HEATR5B: variants seen among roughly 807,000 people sequenced by gnomAD.
HEATR5B encodes the protein HEAT repeat-containing protein 5B.
A neutral mutation model predicts 224.1 loss-of-function variants in HEATR5B; 156 were observed. The ratio of observed to expected loss-of-function variants is 0.70; its 90% confidence interval spans 0.61 to 0.80. HEATR5B has a LOEUF of 0.80. Among genes scored for constraint, HEATR5B ranks in the 30% least tolerant of loss-of-function variants. HEATR5B has a pLI of 0.00. For synonymous variants in HEATR5B, 1,027 were observed against 893.0 expected (o/e 1.15, Z -2.68); for missense variants, 2,323 against 2,535.5 (o/e 0.92, Z 1.80).
At chr2:37,081,454 G>C (rs1456692431) in intron 2 of HEATR5B, among the ~76,000 whole-genome samples, 3 of 152,150 alleles carry the variant, frequency 2.0e-5, no homozygotes, top group African/African-American at 7.2e-5. Flanking sequence ...GAAAACAGGA[G>C]AAAGAATCAA....
intron 32 of HEATR5B, 70 bp from the exon 33 acceptor site, chr2:37,000,883 G>GA: frequency 9.5e-7 from 1 of 1,055,360 alleles, no homozygotes; most frequent in Non-Finnish European, 1.4e-6. Context: ...TTCATTGCTT[G>GA]TATTTTTTGC....
chr2:36,992,739 ATTT>A (rs942544837), intron 33 of HEATR5B, among the ~76,000 whole-genome samples: 2 of 151,474 alleles, frequency 1.3e-5, no homozygotes, highest in African/African-American at 4.9e-5. Context: ...TTTAAAAATT[ATTT>A]TTTTTTCTTT....
intron 30 of HEATR5B, among the ~76,000 whole-genome samples, chr2:37,004,827 G>A (rs946261464): frequency 1.3e-5 from 2 of 151,486 alleles, no homozygotes; most frequent in African/African-American, 4.9e-5. Flanking sequence ...TCCAATCTTG[G>A]TCCTCTTTCT....
chr2:37,040,810 GAGA>G (rs1214035859), intron 19 of HEATR5B, among the ~76,000 whole-genome samples: 3 of 151,856 alleles, frequency 2.0e-5, no homozygotes, highest in East Asian at 3.9e-4. Context: ...CAGGAAGAGA[GAGA>G]AGGATGGTTA....
At chr2:37,078,376 G>C (rs1672361323) in intron 3 of HEATR5B, among the ~76,000 whole-genome samples, 1 of 152,170 alleles carries the variant, frequency 6.6e-6, no homozygotes, top group South Asian at 2.1e-4. Flanking sequence ...ATACATTAGA[G>C]ATTTCCTAAA....
Position 37,007,288 on chromosome 2 carries a change from G to T in HEATR5B, c.4539C>A (p.Thr1513=). The stretch of plus-strand genomic sequence containing the variant: ...GTCTAGCTGTATCAATAGTTTCAGG[G>T]GTATAAAATGCTCCACCTGTAAAGC... ...QLPPDGGAFY[T]PETIDTARLH... The change falls in exon 29 of 36, where the codon ACC becomes ACA. Residue 1513 remains threonine, a synonymous_variant. Coordinates refer to ENST00000233099, the MANE Select transcript of HEATR5B (RefSeq NM_019024.3). 2 of 1,612,974 alleles carry T rather than the reference G, an allele frequency of 1.2e-6. No individual in the cohort carries two copies. The highest frequency in any genetic ancestry group is 3.3e-5 in the Admixed American group (2 of 59,874).
chr2:36,981,124 A>G lies in HEATR5B; in HGVS notation c.*366T>C. On this transcript the variant is annotated 3_prime_UTR_variant, in exon 36 of 36. Coordinates refer to ENST00000233099, the MANE Select transcript of HEATR5B (RefSeq NM_019024.3). ...GCTTGTTTTTCAATTGATTTTTTTC[A>G]TGACAGATGCTGAGTTCTGACCCAT... 6.0e-6 allele frequency: 1 copy of G among 166,474 alleles called. No homozygotes were observed. 10.3% of individuals were successfully genotyped at this position (166,474 alleles called of 1,614,324 possible).
At chr2:37,012,097 T>C (rs1667822755) in intron 27 of HEATR5B, among the ~76,000 whole-genome samples, 2 of 152,154 alleles carry the variant, frequency 1.3e-5, no homozygotes, top group African/African-American at 4.8e-5. Context: ...ATAAGCAAAA[T>C]GAAGAAAATT....
chr2:36,981,907 A>C, intron 35 of HEATR5B, 113 bp from the exon 36 acceptor site: 1 of 693,410 alleles, frequency 1.4e-6, no homozygotes, highest in South Asian at 2.2e-5. Flanking sequence ...GTACACATGC[A>C]CAGCCTACTT....
chr2:37,061,470 A>G (rs997239144), intron 11 of HEATR5B, among the ~76,000 whole-genome samples: 5 of 152,208 alleles, frequency 3.3e-5, no homozygotes, highest in African/African-American at 1.2e-4. Context: ...CCATCACAAT[A>G]ATAGGTATTT....
chr2:37,006,703 T>G (rs2148392290), intron 29 of HEATR5B, among the ~76,000 whole-genome samples: 1 of 152,286 alleles, frequency 6.6e-6, no homozygotes, highest in East Asian at 1.9e-4. Context: ...ACATTAGGAT[T>G]CACTGAAATC....
intron 27 of HEATR5B, among the ~76,000 whole-genome samples, chr2:37,011,191 G>A (rs1474839427): frequency 6.6e-6 from 1 of 152,216 alleles, no homozygotes; most frequent in African/African-American, 2.4e-5. Context: ...AGCCTTGGGA[G>A]TGTGAGAAAG....
At chr2:37,083,073 C>G (rs1293992950) in intron 2 of HEATR5B, among the ~76,000 whole-genome samples, 4 of 152,166 alleles carry the variant, frequency 2.6e-5, no homozygotes, top group Admixed American at 6.5e-5. Flanking sequence ...TCTCCAGTTA[C>G]AATGAGCTGC....
At chr2:37,059,464 A>ATATATAT (rs1428386666) in intron 12 of HEATR5B, among the ~76,000 whole-genome samples, 2 of 65,818 alleles carry the variant, frequency 3.0e-5, no homozygotes, top group Admixed American at 2.3e-4. Flanking sequence ...ATATATATAT[A>ATATATAT]TTTTTTTTTT....
Position 37,077,022 on chromosome 2 carries a change from G to A in HEATR5B, c.339-3C>T, listed in dbSNP as rs1397385716. 1 of 1,608,810 alleles carries A rather than the reference G, an allele frequency of 6.2e-7. No individual in the cohort carries two copies. The highest frequency in any genetic ancestry group is 1.7e-5 in the Admixed American group (1 of 59,606). On this transcript the variant is annotated splice_region_variant and splice_polypyrimidine_tract_variant and intron_variant, in intron 3 of 35. Coordinates refer to ENST00000233099, the MANE Select transcript of HEATR5B (RefSeq NM_019024.3). ...CTCCGACACAAGCCACCGCAGCCCT[G>A]TAAGAAGTGACAACTTCACTAGTCA... is the stretch of plus-strand genomic sequence containing the variant.
intron 18 of HEATR5B, among the ~76,000 whole-genome samples, chr2:37,042,081 A>G (rs1045819170): frequency 6.6e-6 from 1 of 152,160 alleles, no homozygotes; most frequent in Non-Finnish European, 1.5e-5. Context: ...AATACATAAA[A>G]AGAGATGAAC....
chr2:37,040,566 G>GTACTGAATTGAATA (rs1572868942), intron 19 of HEATR5B, 48 bp from the exon 20 acceptor site: 1 of 1,394,734 alleles, frequency 7.2e-7, no homozygotes, highest in Non-Finnish European at 9.9e-7. Context: ...GAATTCGAAT[G>GTACTGAATTGAATA]TACTGAATTG....
rs1351502113 is a variant in HEATR5B at position 37,026,137 on chromosome 2, G to A, written c.3853+1786C>T. 2.0e-5 allele frequency among the ~76,000 whole-genome samples: 3 copies of A among 152,214 alleles called. No homozygotes were observed. In the East Asian group the frequency reaches 5.8e-4, roughly 29 times the overall value. On this transcript the variant is annotated intron_variant, in intron 24 of 35. Coordinates refer to ENST00000233099, the MANE Select transcript of HEATR5B (RefSeq NM_019024.3). The stretch of plus-strand genomic sequence containing the variant: ...CTTTCCTGGCTGCAGTCAGAGACAT[G>A]TGACGACTGAAGAAGCATCAGAGAG...
In HEATR5B at chr2:37,070,263, G is replaced by A. The variant is rs369470929; in HGVS notation, c.894C>T (p.Ser298=). The A allele has an allele frequency of 1.2e-5, 20 of 1,613,872 alleles. No individual in the cohort carries two copies. The highest frequency in any genetic ancestry group is 3.3e-5 in the Admixed American group (2 of 59,986). ...SGGEMLKVGG[S]VNREVRVGVT... is the part of the protein sequence containing the mutation. ...CTCCAACTCTCACTTCACGATTAAC[G>A]GACCCTCCAACTTTTAACATTTCTC... Residue 298 remains serine (S), a synonymous_variant, in exon 7 of 36, where the codon TCC becomes TCT. Transcript: ENST00000233099.
Sources: gnomAD v4.1 joint callset for allele counts (sites outside exome capture counted in the v4.1 genomes callset) on GRCh38, gnomAD v4.1.1 for gene constraint, MANE v1.5 for transcripts, NCBI Gene and HGNC (gene_info 2026-07-23, HGNC 2026-07-21) for gene names.